LYPD8: variants seen among roughly 807,000 people sequenced by gnomAD.
LYPD8 encodes the protein LY6/PLAUR domain containing 8.
LYPD8 carries 8 observed loss-of-function variants against 1.7 expected under a neutral mutation model. That is an observed-to-expected ratio of 4.58 (90% CI 2.69 to 8.27). The LOEUF is 8.27. Ranked by LOEUF, LYPD8 falls within the 30% of genes most tolerant of loss-of-function variation. LYPD8 has a pLI of 0.00. For missense variants in LYPD8, 112 were observed against 102.3 expected, an observed-to-expected ratio of 1.09 and a Z score of -0.41; for synonymous variants, 50 against 43.6, an observed-to-expected ratio of 1.15 and a Z score of -0.58.
chr1:248,755,671 C>A (rs1450889818), intron 1 of LYPD8, 34 bp downstream of exon 1: 1 of 152,332 alleles, frequency 6.6e-6, no homozygotes, highest in Non-Finnish European at 1.5e-5. Context: ...CAGCTTCTCC[C>A]AGGGCTCAGG....
In LYPD8 at chr1:248,752,339, C is replaced by G. The variant is rs1055021233; in HGVS notation, c.-49-1209G>C. 4.8e-3 allele frequency among the ~76,000 whole-genome samples: 735 copies of G among 152,034 alleles called. 10 individuals carry two copies. The highest frequency in any genetic ancestry group is 0.017 in the African/African-American group (683 of 41,392). On this transcript the variant is annotated intron_variant, in intron 2 of 6. Coordinates refer to ENST00000590317, the MANE Select transcript of LYPD8 (RefSeq NM_001085474.2). Reference sequence around the variant, plus strand: ...AGCACAGAGGGACGACGAAGTAACCCAAGCTCGCTCGGCTCCTAAGGCCAA... The same window carrying G: ...AGCACAGAGGGACGACGAAGTAACCGAAGCTCGCTCGGCTCCTAAGGCCAA...
Position 248,739,609 on chromosome 1 carries a change from C to T in LYPD8, c.*2G>A. 3 of 1,551,236 alleles carry T rather than the reference C, an allele frequency of 1.9e-6. No homozygotes were observed. The highest frequency in any genetic ancestry group is 2.6e-6 in the Non-Finnish European group (3 of 1,146,982). Reference sequence around the variant, plus strand: ...TGCTGGGCAAAGTGCAGCCCCAGGACCTCAGGGCAGCAGTCCCCGAAGAAG... The same window carrying T: ...TGCTGGGCAAAGTGCAGCCCCAGGATCTCAGGGCAGCAGTCCCCGAAGAAG... On this transcript the variant is annotated 3_prime_UTR_variant, in exon 7 of 7. Coordinates refer to ENST00000590317, the MANE Select transcript of LYPD8 (RefSeq NM_001085474.2). This position sits in a 1 kb window ranked among gnomAD's most constrained non-coding sequence, Gnocchi z 4.3.
chr1:248,739,991 G>A lies in LYPD8; in HGVS notation c.476-142C>T. 1 of 1,076,144 alleles carries A rather than the reference G, an allele frequency of 9.3e-7. No individual in the cohort carries two copies. Among genetic ancestry groups the A allele is most frequent in the Non-Finnish European group, 1.3e-6 (1 of 758,320 alleles). The allele number at this position is 1,076,144 out of a possible 1,614,324, so 66.7% of individuals were successfully genotyped here. A position where few individuals can be genotyped will look rare whatever the true frequency, so the allele number is the denominator to read the frequency against. ...GCTCCTGAAGCCCAGGCAGGAAGAA[G>A]GAGCCTGCGTGTTCAGAGTCAAGAA... is the stretch of plus-strand genomic sequence containing the variant. On this transcript the variant is annotated intron_variant, in intron 6 of 6. Transcript: ENST00000590317. The surrounding 1 kb of genome is among the most constrained non-coding windows in gnomAD (Gnocchi z 4.3).
At chr1:248,746,538 A>G (rs1662728761) in intron 5 of LYPD8, among the ~76,000 whole-genome samples, 1 of 152,200 alleles carries the variant, frequency 6.6e-6, no homozygotes. Context: ...GGACACAGGA[A>G]GGCAGGAAGG....
intron 2 of LYPD8, among the ~76,000 whole-genome samples, chr1:248,752,781 ACACC>A (rs1662829624): frequency 1.0e-5 from 1 of 97,834 alleles, no homozygotes; most frequent in African/African-American, 4.2e-5. Context: ...CACACAACAC[ACACC>A]ACACACACAC....
chr1:248,755,189 C>T (rs1489410630), intron 2 of LYPD8, 50 bp downstream of exon 2: 2 of 152,312 alleles, frequency 1.3e-5, no homozygotes, highest in Non-Finnish European at 2.9e-5. Flanking sequence ...CTCAACACCT[C>T]TGTGGGTAAG....
intron 2 of LYPD8, among the ~76,000 whole-genome samples, chr1:248,751,487 A>G (rs1662801874): frequency 6.6e-6 from 1 of 152,104 alleles, no homozygotes; most frequent in African/African-American, 2.4e-5. Flanking sequence ...CCCCTCCCCC[A>G]GAGCACAATG....
At chr1:248,754,704 C>T (rs1490093407) in intron 2 of LYPD8, among the ~76,000 whole-genome samples, 2 of 152,152 alleles carry the variant, frequency 1.3e-5, no homozygotes, top group Non-Finnish European at 2.9e-5. Context: ...GGAAACCAGT[C>T]GGTCTGGGAG....
chr1:248,751,621 T>C (rs996617506), intron 2 of LYPD8, among the ~76,000 whole-genome samples: 1 of 152,174 alleles, frequency 6.6e-6, no homozygotes, highest in Non-Finnish European at 1.5e-5. Context: ...ACTTTACAGG[T>C]ATTAATTTAT....
intron 6 of LYPD8, among the ~76,000 whole-genome samples, chr1:248,743,526 G>A (rs975932064): frequency 1.8e-4 from 28 of 152,146 alleles, no homozygotes; most frequent in Admixed American, 8.5e-4. Flanking sequence ...GCTTGACGCC[G>A]CTGAAAAATC....
rs1056724842 is a variant in LYPD8, at chr1:248,739,974, A to C, written c.476-125T>G. The stretch of plus-strand genomic sequence containing the variant: ...CCAGCAAGAGCTGGTGTGCTCCTGA[A>C]GCCCAGGCAGGAAGAAGGAGCCTGC... On this transcript the variant is annotated intron_variant, in intron 6 of 6. Transcript: ENST00000590317. This position sits in a 1 kb window ranked among gnomAD's most constrained non-coding sequence, Gnocchi z 4.3. 8.3e-5 allele frequency: 105 copies of C among 1,272,416 alleles called. No homozygotes were observed. Among genetic ancestry groups the C allele is most frequent in the Admixed American group, 4.6e-5 (2 of 43,484 alleles). The allele number at this position is 1,272,416 out of a possible 1,614,324, so 78.8% of individuals were successfully genotyped here.
chr1:248,753,335 ACACC>A (rs1662861774), intron 2 of LYPD8, among the ~76,000 whole-genome samples: 1 of 126,698 alleles, frequency 7.9e-6, no homozygotes, highest in Non-Finnish European at 1.6e-5. Context: ...CACATCACAC[ACACC>A]ACACACACCA....
intron 4 of LYPD8, among the ~76,000 whole-genome samples, chr1:248,748,744 A>G (rs1662752532): frequency 6.6e-6 from 1 of 152,202 alleles, no homozygotes; most frequent in African/African-American, 2.4e-5. Flanking sequence ...GAAGCCTTCA[A>G]TAAGTCTTAA....
chr1:248,746,595 C>CCAG (rs1170987255), intron 5 of LYPD8, among the ~76,000 whole-genome samples: 1 of 146,324 alleles, frequency 6.8e-6, no homozygotes. Context: ...GCCCGCACGG[C>CCAG]CAGCACCCAC....
intron 6 of LYPD8, among the ~76,000 whole-genome samples, chr1:248,740,650 C>T (rs1328210605): frequency 6.6e-6 from 1 of 152,132 alleles, no homozygotes; most frequent in African/African-American, 2.4e-5. Flanking sequence ...GAGTTCAAGG[C>T]CGGCTCTAGG....
chr1:248,741,486 C>T (rs1273372569), intron 6 of LYPD8, among the ~76,000 whole-genome samples: 1 of 152,154 alleles, frequency 6.6e-6, no homozygotes, highest in African/African-American at 2.4e-5. Flanking sequence ...GGATTACAGG[C>T]GTGAGCCACC....
intron 2 of LYPD8, among the ~76,000 whole-genome samples, chr1:248,753,596 AACAC>A (rs1306394036): frequency 1.8e-5 from 2 of 109,380 alleles, no homozygotes; most frequent in Middle Eastern, 5.3e-3. Flanking sequence ...CACACAACAC[AACAC>A]ACACACCACA....
chr1:248,745,148 T>G lies in LYPD8; in HGVS notation c.469A>C (p.Lys157Gln). The G allele has an allele frequency of 2.5e-6, 1 of 398,606 alleles. No individual in the cohort carries two copies. The highest frequency in any genetic ancestry group is 4.4e-6 in the Non-Finnish European group (1 of 226,058). The allele number at this position is 398,606 out of a possible 1,614,324, so 24.7% of individuals were successfully genotyped here. Reference sequence around the variant, plus strand: ...TTAGAACTCCAAGACTTACCATTCTTAAGTTCTGCAACTAGAAAGACACAC... The same window carrying G: ...TTAGAACTCCAAGACTTACCATTCTGAAGTTCTGCAACTAGAAAGACACAC... ...EQCVFLVAEL[K>Q]NDIESKSLVL... is the part of the protein sequence containing the mutation. The change falls in exon 6 of 7, where the codon AAG becomes CAG. Residue 157 changes from lysine (K) to glutamine (Q), a missense_variant. Transcript: ENST00000590317.
chr1:248,749,993 C>A (rs1489834876), intron 4 of LYPD8, among the ~76,000 whole-genome samples: 4 of 151,640 alleles, frequency 2.6e-5, no homozygotes, highest in Non-Finnish European at 5.9e-5. Flanking sequence ...GGTTACATGG[C>A]AGTTCATTAT....
Sources: gnomAD v4.1 joint callset for allele counts (sites outside exome capture counted in the v4.1 genomes callset) on GRCh38, gnomAD v4.1.1 for gene constraint, Gnocchi (gnomAD v3.1) non-coding constraint, MANE v1.5 for transcripts, NCBI Gene and HGNC (gene_info 2026-07-23, HGNC 2026-07-21) for gene names.